The following MAP2K6 variants were observed in gnomAD, a reference collection of about 807,000 sequenced individuals.
MAP2K6 encodes the protein mitogen-activated protein kinase kinase 6.
Under a neutral mutation model 53.7 loss-of-function variants are expected in MAP2K6, and 16 were observed. That is an observed-to-expected ratio of 0.30 (90% CI 0.20 to 0.45). The LOEUF is 0.45. Among genes scored for constraint, MAP2K6 ranks in the 20% least tolerant of loss-of-function variants. The pLI is 1.00. For missense variants in MAP2K6, 204 were observed against 411.9 expected (o/e 0.50, Z 4.37); for synonymous variants, 132 against 143.1 (o/e 0.92, Z 0.55).
rs1373887886 is a variant in MAP2K6 at position 69,548,180 on chromosome 17, T to G, written c.*6427T>G. 6.6e-6 allele frequency: 1 copy of G among 152,124 alleles called. No individual in the cohort carries two copies. The highest frequency in any genetic ancestry group is 1.5e-5 in the Non-Finnish European group (1 of 68,026). 9.4% of individuals were successfully genotyped at this position (152,124 alleles called of 1,614,324 possible). A position where few individuals can be genotyped will look rare whatever the true frequency, so the allele number is the denominator to read the frequency against. ...GTCCCACAAAAGTGAGAGGAGTACT[T>G]CTCTTTTTTTAAATCATCAGTAAAT... On this transcript the variant is annotated 3_prime_UTR_variant, in exon 12 of 12. Transcript: ENST00000590474.
chr17:69,447,382 G>A, intron 1 of MAP2K6, among the ~76,000 whole-genome samples: 1 of 151,980 alleles, frequency 6.6e-6, no homozygotes, highest in East Asian at 1.9e-4. Context: ...GTCTTGCTCT[G>A]TCGCCCAGAT....
chr17:69,500,447 CAAAAAAAAA>C (rs58712110), intron 1 of MAP2K6, among the ~76,000 whole-genome samples: 7 of 57,622 alleles, frequency 1.2e-4, no homozygotes, highest in Non-Finnish European at 1.8e-4. Flanking sequence ...GACTCTGTCT[CAAAAAAAAA>C]AAAAAAAAAA....
chr17:69,496,919 G>T (rs1908976588), intron 1 of MAP2K6, among the ~76,000 whole-genome samples: 1 of 151,980 alleles, frequency 6.6e-6, no homozygotes, highest in South Asian at 2.1e-4. Context: ...CTTCATTTGG[G>T]GGTGGAAAAG....
At chr17:69,419,829 G>A (rs781434905) in intron 1 of MAP2K6, among the ~76,000 whole-genome samples, 4 of 151,238 alleles carry the variant, frequency 2.6e-5, no homozygotes, top group African/African-American at 4.9e-5. Flanking sequence ...TGGGAGAATC[G>A]CTTGAACCTG....
Position 69,549,440 on chromosome 17 carries a change from T to C in MAP2K6, c.*7687T>C, listed in dbSNP as rs992921667. ...AGACCAGGCCTTCAAAAGTCTTTTC[T>C]GTTTTCCTTTGCTACAATTTGCTTG... On this transcript the variant is annotated 3_prime_UTR_variant, in exon 12 of 12. Transcript: ENST00000590474. 27 of 152,216 alleles carry C rather than the reference T, an allele frequency of 1.8e-4. No homozygotes were observed. Among genetic ancestry groups the C allele is most frequent in the African/African-American group, 6.5e-4 (27 of 41,458 alleles). 9.4% of individuals were successfully genotyped at this position (152,216 alleles called of 1,614,324 possible). A position where few individuals can be genotyped will look rare whatever the true frequency, so the allele number is the denominator to read the frequency against.
At chr17:69,431,967 T>A (rs1483005175) in intron 1 of MAP2K6, among the ~76,000 whole-genome samples, 3 of 152,136 alleles carry the variant, frequency 2.0e-5, no homozygotes, top group African/African-American at 7.2e-5. Context: ...TGGATCTGAG[T>A]CAGGTGTTCA....
At chr17:69,442,156 C>T (rs1906839707) in intron 1 of MAP2K6, among the ~76,000 whole-genome samples, 1 of 152,216 alleles carries the variant, frequency 6.6e-6, no homozygotes, top group Non-Finnish European at 1.5e-5. Flanking sequence ...TTTATAAACA[C>T]AGTGCTATTC....
Position 69,542,221 on chromosome 17 carries a change from G to A in MAP2K6, c.*468G>A, listed in dbSNP as rs892168711. 2 of 152,522 alleles carry A rather than the reference G, an allele frequency of 1.3e-5. No homozygotes were observed. The highest frequency in any genetic ancestry group is 4.8e-5 in the African/African-American group (2 of 41,378). 9.4% of individuals were successfully genotyped at this position (152,522 alleles called of 1,614,324 possible). A position where few individuals can be genotyped will look rare whatever the true frequency, so the allele number is the denominator to read the frequency against. ...ATTCAAAAAAAAAATATAAGGTTGG[G>A]TTAGCAATATTTATAGGGCTTTTAT... On this transcript the variant is annotated 3_prime_UTR_variant, in exon 12 of 12. Coordinates refer to ENST00000590474, the MANE Select transcript of MAP2K6 (RefSeq NM_002758.4).
At chr17:69,453,833 T>C (rs1045430990) in intron 1 of MAP2K6, among the ~76,000 whole-genome samples, 2 of 152,308 alleles carry the variant, frequency 1.3e-5, no homozygotes, top group Middle Eastern at 3.4e-3. Context: ...CAGGCTGAGT[T>C]TGGAACAATT....
At chr17:69,479,890 G>A (rs187085154) in intron 1 of MAP2K6, among the ~76,000 whole-genome samples, 18 of 152,022 alleles carry the variant, frequency 1.2e-4, no homozygotes, top group Non-Finnish European at 1.9e-4. Context: ...ACACCACCGT[G>A]CCTGGCTAAT....
chr17:69,459,598 G>A (rs919404919), intron 1 of MAP2K6, among the ~76,000 whole-genome samples: 1 of 150,098 alleles, frequency 6.7e-6, no homozygotes, highest in African/African-American at 2.5e-5. Context: ...TATAGTCCCA[G>A]CTACTCGGGA....
At chr17:69,417,146 T>C (rs1288929229) in intron 1 of MAP2K6, among the ~76,000 whole-genome samples, 1 of 152,198 alleles carries the variant, frequency 6.6e-6, no homozygotes, top group African/African-American at 2.4e-5. Context: ...AAGTGGGTGA[T>C]CATTTTAGAA....
At chr17:69,513,018 G>T (rs1598301357) in intron 2 of MAP2K6, among the ~76,000 whole-genome samples, 1 of 152,240 alleles carries the variant, frequency 6.6e-6, no homozygotes, top group African/African-American at 2.4e-5. Flanking sequence ...AATAAGCTTG[G>T]TTCTTTCCCC....
At chr17:69,517,674 T>A in intron 4 of MAP2K6, 61 bp downstream of exon 4, 1 of 1,146,846 alleles carries the variant, frequency 8.7e-7, no homozygotes, top group African/African-American at 1.6e-5. Flanking sequence ...TCCACCTCAA[T>A]TGTCAACCAG....
intron 10 of MAP2K6, among the ~76,000 whole-genome samples, chr17:69,528,704 C>A (rs2144842133): frequency 6.6e-6 from 1 of 151,704 alleles, no homozygotes; most frequent in East Asian, 1.9e-4. Context: ...GCTAAAAATA[C>A]AAAAATTAGC....
intron 1 of MAP2K6, among the ~76,000 whole-genome samples, chr17:69,453,748 A>C (rs1477212672): frequency 6.6e-6 from 1 of 152,182 alleles, no homozygotes; most frequent in African/African-American, 2.4e-5. Flanking sequence ...GTTCTTAGTT[A>C]CATTTTCTTC....
At chr17:69,529,746 G>A (rs1910982110) in intron 10 of MAP2K6, among the ~76,000 whole-genome samples, 1 of 151,958 alleles carries the variant, frequency 6.6e-6, no homozygotes, top group Non-Finnish European at 1.5e-5. Flanking sequence ...TCCTGACCTC[G>A]TGATCTGCCC....
At chr17:69,420,979 C>A (rs1906059967) in intron 1 of MAP2K6, among the ~76,000 whole-genome samples, 1 of 152,194 alleles carries the variant, frequency 6.6e-6, no homozygotes, top group Admixed American at 6.5e-5. Flanking sequence ...CAAGTTTTAA[C>A]CACTGTAATG....
At chr17:69,450,207 C>T (rs1225381617) in intron 1 of MAP2K6, among the ~76,000 whole-genome samples, 1 of 151,820 alleles carries the variant, frequency 6.6e-6, no homozygotes, top group East Asian at 1.9e-4. Context: ...CCTGCCTCGG[C>T]CTGCCAAAGT....
Sources: gnomAD v4.1 joint callset for allele counts (sites outside exome capture counted in the v4.1 genomes callset) on GRCh38, gnomAD v4.1.1 for gene constraint, MANE v1.5 for transcripts, NCBI Gene and HGNC (gene_info 2026-07-23, HGNC 2026-07-21) for gene names.